The following RANBP2 variants were observed in gnomAD, a reference collection of about 807,000 sequenced individuals.
The protein encoded by RANBP2 is RAN binding protein 2.
In RANBP2, 57 loss-of-function variants were observed where a neutral mutation model predicts 303.6. The ratio of observed to expected loss-of-function variants is 0.19; its 90% confidence interval spans 0.15 to 0.23. RANBP2 has a LOEUF of 0.23. Ranked by LOEUF, RANBP2 falls within the 10% of genes least tolerant of loss-of-function variation. The pLI is 1.00. For missense variants in RANBP2, 3,138 were observed against 3,780.8 expected, an observed-to-expected ratio of 0.83 and a Z score of 4.46; for synonymous variants, 1,167 against 1,301.5, an observed-to-expected ratio of 0.90 and a Z score of 2.23.
chr2:108,875,335 AAG>A, the RANBP2 span, among the ~76,000 whole-genome samples: 4 of 124,648 alleles, frequency 3.2e-5, no homozygotes, highest in Admixed American at 1.3e-4. Flanking sequence ...AAAAAAAAAA[AAG>A]AAACAAATTC....
the RANBP2 span, among the ~76,000 whole-genome samples, chr2:108,811,000 A>G: frequency 2.5e-4 from 38 of 152,058 alleles, no homozygotes; most frequent in African/African-American, 8.4e-4. Context: ...TGTAGTCTCT[A>G]GTGATCCTTG....
chr2:108,858,459 C>T, the RANBP2 span, among the ~76,000 whole-genome samples: 6 of 152,158 alleles, frequency 3.9e-5, no homozygotes, highest in South Asian at 2.1e-4. Context: ...TTTAGTGATG[C>T]GAAAATTTTG....
chr2:109,117,966 G>T, the RANBP2 span, among the ~76,000 whole-genome samples: 1 of 152,144 alleles, frequency 6.6e-6, no homozygotes, highest in Non-Finnish European at 1.5e-5. Context: ...GCCCTCTGAG[G>T]CAAGATTGTG....
At chr2:109,643,037 C>T in the RANBP2 span, among the ~76,000 whole-genome samples, 1 of 151,738 alleles carries the variant, frequency 6.6e-6, no homozygotes, top group Non-Finnish European at 1.5e-5. Context: ...AAACATTAGC[C>T]GGGTGTGATG....
chr2:109,626,356 C>G, the RANBP2 span, among the ~76,000 whole-genome samples: 1 of 152,120 alleles, frequency 6.6e-6, no homozygotes, highest in African/African-American at 2.4e-5. Flanking sequence ...GTAGTCCCAG[C>G]TACTCGGGAG....
At chr2:109,257,662 C>T in the RANBP2 span, among the ~76,000 whole-genome samples, 13 of 152,114 alleles carry the variant, frequency 8.5e-5, no homozygotes, top group Admixed American at 6.5e-5. Context: ...CCTTGGTTTG[C>T]GCTTCAGGGA....
the RANBP2 span, among the ~76,000 whole-genome samples, chr2:109,142,048 G>GT: frequency 6.6e-6 from 1 of 151,526 alleles, no homozygotes. Flanking sequence ...TCTCCTGGGG[G>GT]GGGGGTCTCA....
the RANBP2 span, among the ~76,000 whole-genome samples, chr2:109,442,322 A>G: frequency 1.3e-5 from 2 of 151,952 alleles, no homozygotes; most frequent in African/African-American, 4.8e-5. Context: ...AAAAAAAAAA[A>G]AAAAGAAAAA....
At chr2:109,103,530 A>T in the RANBP2 span, among the ~76,000 whole-genome samples, 1 of 152,200 alleles carries the variant, frequency 6.6e-6, no homozygotes, top group African/African-American at 2.4e-5. Flanking sequence ...TCTGATCAGC[A>T]GTTGGTTGAA....
At chr2:109,215,554 G>C in the RANBP2 span, among the ~76,000 whole-genome samples, 1 of 152,120 alleles carries the variant, frequency 6.6e-6, no homozygotes, top group Non-Finnish European at 1.5e-5. Context: ...CCTCTCGGGA[G>C]AGCCCCTGTC....
the RANBP2 span, among the ~76,000 whole-genome samples, chr2:108,868,960 G>T: frequency 6.6e-6 from 1 of 151,986 alleles, no homozygotes; most frequent in African/African-American, 2.4e-5. Context: ...TTTTCTCTAC[G>T]TTCCCAGCTG....
chr2:109,632,335 T>C, the RANBP2 span, among the ~76,000 whole-genome samples: 1 of 152,164 alleles, frequency 6.6e-6, no homozygotes, highest in Non-Finnish European at 1.5e-5. Context: ...AGAGTACAAT[T>C]GCCCTGAGGA....
At chr2:108,782,940 C>T in intron 28 of RANBP2, 78 bp downstream of exon 28, 1 of 1,282,486 alleles carries the variant, frequency 7.8e-7, no homozygotes, top group Non-Finnish European at 1.1e-6. Context: ...AGTGTTTTTC[C>T]TTGACCTCAT....
chr2:109,395,711 CCAGTGCT>C, the RANBP2 span, among the ~76,000 whole-genome samples: 1 of 152,152 alleles, frequency 6.6e-6, no homozygotes, highest in African/African-American at 2.4e-5. Context: ...TGGTGGCCGC[CCAGTGCT>C]CAGTGACCTG....
the RANBP2 span, among the ~76,000 whole-genome samples, chr2:109,261,992 A>T: frequency 1.3e-5 from 2 of 152,174 alleles, no homozygotes; most frequent in Non-Finnish European, 2.9e-5. Flanking sequence ...ACAAAGCTCT[A>T]TAAAACCAGG....
At chr2:109,063,101 C>T in the RANBP2 span, among the ~76,000 whole-genome samples, 1 of 152,202 alleles carries the variant, frequency 6.6e-6, no homozygotes, top group East Asian at 1.9e-4. Flanking sequence ...ACCATGCCAA[C>T]CTGAGACCCT....
At chr2:109,448,551 T>A in the RANBP2 span, among the ~76,000 whole-genome samples, 3 of 152,180 alleles carry the variant, frequency 2.0e-5, no homozygotes, top group Admixed American at 1.3e-4. Context: ...ACTTGGGATC[T>A]AGGTTGCACG....
intron 7 of RANBP2, among the ~76,000 whole-genome samples, chr2:108,742,851 C>T (rs183081812): frequency 6.5e-4 from 99 of 152,240 alleles, no homozygotes; most frequent in African/African-American, 2.0e-3. Flanking sequence ...CACAGTGGCA[C>T]GACCTCGGCT....
the RANBP2 span, among the ~76,000 whole-genome samples, chr2:109,732,531 T>C: frequency 6.7e-6 from 1 of 149,034 alleles, no homozygotes; most frequent in Admixed American, 6.8e-5. Context: ...CAGGCTGGAG[T>C]GCAATGGTGT....
Sources: gnomAD v4.1 joint callset for allele counts (sites outside exome capture counted in the v4.1 genomes callset) on GRCh38, gnomAD v4.1.1 for gene constraint, MANE v1.5 for transcripts, NCBI Gene and HGNC (gene_info 2026-07-23, HGNC 2026-07-21) for gene names.